ATXN2: variants seen among roughly 807,000 people sequenced by gnomAD.
The protein encoded by ATXN2 is ataxin 2, also known as ataxin-2.
In ATXN2, 37 loss-of-function variants were observed where a neutral mutation model predicts 138.6. The observed-to-expected ratio is 0.27, with a 90% CI of 0.21 to 0.35. The LOEUF is 0.35. ATXN2 is among the 10% of genes least tolerant of loss of function. ATXN2 has a pLI of 1.00. For synonymous variants in ATXN2, 549 were observed against 543.7 expected (o/e 1.01, Z -0.13); for missense variants, 1,216 against 1,480.3 (o/e 0.82, Z 2.93).
intron 17 of ATXN2, 136 bp downstream of exon 17, chr12:111,485,577 A>T: frequency 9.0e-7 from 1 of 1,112,410 alleles, no homozygotes; most frequent in Middle Eastern, 2.3e-4. Flanking sequence ...CAACACACTG[A>T]ATCTCTGCAT....
chr12:111,569,287 A>G (rs1218890022), intron 1 of ATXN2, among the ~76,000 whole-genome samples: 2 of 152,230 alleles, frequency 1.3e-5, no homozygotes, highest in Non-Finnish European at 2.9e-5. Context: ...GAAAAAAAAT[A>G]GTATCTTTTC....
chr12:111,571,602 A>C (rs994234093), intron 1 of ATXN2, among the ~76,000 whole-genome samples: 2 of 152,200 alleles, frequency 1.3e-5, no homozygotes, highest in Non-Finnish European at 2.9e-5. Flanking sequence ...AATGGAGGTC[A>C]TATTTTTGAA....
chr12:111,581,071 G>A (rs1440958578), intron 1 of ATXN2, among the ~76,000 whole-genome samples: 1 of 150,932 alleles, frequency 6.6e-6, no homozygotes, highest in East Asian at 1.9e-4. Flanking sequence ...AGGAGGTGGA[G>A]GTTGCAAGGA....
chr12:111,599,303 G>T lies in ATXN2; in HGVS notation c.-269C>A. ...GCTACCAAAACAGTCTGAGGCGGAG[G>T]GAGGCGAGCTCTGCCGGGAGGGAGG... On this transcript the variant is annotated 5_prime_UTR_variant, in exon 1 of 25. Coordinates refer to ENST00000673436, the MANE Select transcript of ATXN2 (RefSeq NM_001372574.1). 6 of 1,184,326 alleles carry T rather than the reference G, an allele frequency of 5.1e-6. No individual in the cohort carries two copies. Among genetic ancestry groups the T allele is most frequent in the Non-Finnish European group, 5.2e-6 (5 of 959,502 alleles). 73.4% of individuals were successfully genotyped at this position (1,184,326 alleles called of 1,614,324 possible). A position where few individuals can be genotyped will look rare whatever the true frequency, so the allele number is the denominator to read the frequency against.
At chr12:111,457,114 A>G (rs1362839352) in intron 22 of ATXN2, 100 bp downstream of exon 22, 6 of 1,384,314 alleles carry the variant, frequency 4.3e-6, no homozygotes, top group Middle Eastern at 4.6e-4. Context: ...GAGGGTGGAC[A>G]TGCCATGTGT....
rs551614043 is a variant in ATXN2 at position 111,465,685 on chromosome 12, G to A, written c.2843-970C>T. On this transcript the variant is annotated intron_variant, in intron 20 of 24. Coordinates refer to ENST00000673436, the MANE Select transcript of ATXN2 (RefSeq NM_001372574.1). The stretch of plus-strand genomic sequence containing the variant: ...CTCGGGAGGCTGAGGCAGAAAAACC[G>A]CTTGAACCTGGGAGGCAGATGTTGC... Among the ~76,000 whole-genome samples, 13 of 142,036 alleles carry A rather than the reference G, an allele frequency of 9.2e-5. No homozygotes were observed. In the South Asian group the frequency reaches 1.6e-3, roughly 17 times the overall value. The allele number at this position is 142,036 out of a possible 152,430, so 93.2% of individuals were successfully genotyped here.
At chr12:111,479,670 C>G (rs937693112) in intron 18 of ATXN2, among the ~76,000 whole-genome samples, 1 of 152,058 alleles carries the variant, frequency 6.6e-6, no homozygotes, top group Admixed American at 6.6e-5. Flanking sequence ...TTGAATGTGG[C>G]CCAACACAAA....
At chr12:111,578,070 A>G (rs1434759448) in intron 1 of ATXN2, among the ~76,000 whole-genome samples, 1 of 152,010 alleles carries the variant, frequency 6.6e-6, no homozygotes, top group Non-Finnish European at 1.5e-5. Context: ...GGTGGCACGC[A>G]CCTGTAATCC....
chr12:111,576,977 T>C (rs112897889), intron 1 of ATXN2, among the ~76,000 whole-genome samples: 21 of 150,746 alleles, frequency 1.4e-4, no homozygotes, highest in South Asian at 6.3e-4. Context: ...AATAAATAAA[T>C]AAACAAACAA....
chr12:111,536,754 T>C (rs552311202), intron 5 of ATXN2, among the ~76,000 whole-genome samples: 4 of 151,774 alleles, frequency 2.6e-5, no homozygotes, highest in South Asian at 2.1e-4. Context: ...CCCATGAGAA[T>C]TGAAAACCTA....
rs1449685341 is a variant in ATXN2 at position 111,599,216 on chromosome 12, G to C, written c.-182C>G. 1.7e-6 allele frequency: 2 copies of C among 1,202,154 alleles called. No homozygotes were observed. Among genetic ancestry groups the C allele is most frequent in the Non-Finnish European group, 2.1e-6 (2 of 969,774 alleles). 74.5% of individuals were successfully genotyped at this position (1,202,154 alleles called of 1,614,324 possible). Reference sequence around the variant, plus strand: ...AAGGAGGACGACGAAGGGGCGGGGAGGCCCGCCGAGACCAAGGAGCCGCCG... The same window carrying C: ...AAGGAGGACGACGAAGGGGCGGGGACGCCCGCCGAGACCAAGGAGCCGCCG... On this transcript the variant is annotated 5_prime_UTR_variant, in exon 1 of 25. Coordinates refer to ENST00000673436, the MANE Select transcript of ATXN2 (RefSeq NM_001372574.1).
intron 5 of ATXN2, among the ~76,000 whole-genome samples, chr12:111,550,062 CAAA>C (rs11360314): frequency 8.9e-5 from 7 of 78,938 alleles, no homozygotes; most frequent in Non-Finnish European, 1.3e-4. Context: ...ACTCCGTCTC[CAAA>C]AAAAAAAAAA....
chr12:111,549,313 A>G (rs1881998341), intron 5 of ATXN2, among the ~76,000 whole-genome samples: 1 of 152,172 alleles, frequency 6.6e-6, no homozygotes, highest in Non-Finnish European at 1.5e-5. Context: ...TAATTTTGTT[A>G]TTAAGGAAAA....
At chr12:111,585,216 C>T (rs1884257130) in intron 1 of ATXN2, among the ~76,000 whole-genome samples, 1 of 152,030 alleles carries the variant, frequency 6.6e-6, no homozygotes, top group African/African-American at 2.4e-5. Context: ...TATAAACTTA[C>T]AGTCAAAACT....
chr12:111,555,655 G>C (rs932157079), intron 2 of ATXN2, among the ~76,000 whole-genome samples: 7 of 151,944 alleles, frequency 4.6e-5, no homozygotes, highest in African/African-American at 1.7e-4. Flanking sequence ...CCCAGTCTTA[G>C]GTATATCTTT....
Position 111,513,260 on chromosome 12 carries a change from A to AT in ATXN2, c.1558+96dup, listed in dbSNP as rs2135733435. On this transcript the variant is annotated intron_variant, in intron 11 of 24. Coordinates refer to ENST00000673436, the MANE Select transcript of ATXN2 (RefSeq NM_001372574.1). ...TGATTCTACTATTTTTAACATATAC[A>AT]TACTTACACTTCCTCAAACAGAGTT... The AT allele has an allele frequency of 2.2e-6, 3 of 1,374,332 alleles. No individual in the cohort carries two copies. The East Asian group carries it at 7.5e-5, about 34-fold the overall frequency. 85.1% of individuals were successfully genotyped at this position (1,374,332 alleles called of 1,614,324 possible).
chr12:111,591,934 TAGCTGAGTGGGG>T (rs1299481728), intron 1 of ATXN2, among the ~76,000 whole-genome samples: 2 of 151,514 alleles, frequency 1.3e-5, no homozygotes, highest in African/African-American at 4.9e-5. Context: ...ATACAAAAAT[TAGCTGAGTGGGG>T]TAGCAGGCAC....
chr12:111,503,434 A>T (rs1327277470), intron 14 of ATXN2, among the ~76,000 whole-genome samples: 2 of 152,348 alleles, frequency 1.3e-5, no homozygotes, highest in Admixed American at 6.5e-5. Flanking sequence ...GAGATGTTAG[A>T]CAAGATTTAA....
Position 111,495,378 on chromosome 12 carries a change from T to C in ATXN2, c.1936-6598A>G, listed in dbSNP as rs529750506. 1.2e-4 allele frequency among the ~76,000 whole-genome samples: 17 copies of C among 144,146 alleles called. No homozygotes were observed. In the South Asian group the frequency reaches 3.0e-3, roughly 26 times the overall value. 94.6% of individuals were successfully genotyped at this position (144,146 alleles called of 152,430 possible). A position where few individuals can be genotyped will look rare whatever the true frequency, so the allele number is the denominator to read the frequency against. Reference sequence around the variant, plus strand: ...CACACTTTACCTATAAAATCACACATAGACTAAAATTGAAGAGCTGGAAAA... The same window carrying C: ...CACACTTTACCTATAAAATCACACACAGACTAAAATTGAAGAGCTGGAAAA... On this transcript the variant is annotated intron_variant, in intron 14 of 24. Transcript: ENST00000673436.
Sources: gnomAD v4.1 joint callset for allele counts (sites outside exome capture counted in the v4.1 genomes callset) on GRCh38, gnomAD v4.1.1 for gene constraint, MANE v1.5 for transcripts, NCBI Gene and HGNC (gene_info 2026-07-23, HGNC 2026-07-21) for gene names.